Variants in PTPN23 observed in about 807,000 individuals in gnomAD.
The protein encoded by PTPN23 is protein tyrosine phosphatase non-receptor type 23.
A neutral mutation model predicts 156.3 loss-of-function variants in PTPN23; 72 were observed. The observed-to-expected ratio is 0.46, with a 90% CI of 0.38 to 0.56. The LOEUF is 0.56. Among genes scored for constraint, PTPN23 ranks in the 20% least tolerant of loss-of-function variants. The probability of loss-of-function intolerance (pLI) is 0.00; values close to 1 mark genes in which losing one functional copy is unlikely to be tolerated. For synonymous variants in PTPN23, 957 were observed against 899.6 expected (o/e 1.06, Z -1.14); for missense variants, 1,974 against 2,171.5 (o/e 0.91, Z 1.81).
chr3:47,410,375 T>C lies in PTPN23; in HGVS notation c.2577T>C (p.Gly859=). Residue 859 remains glycine (G), a synonymous_variant, in exon 20 of 25, where the codon GGT becomes GGC. Coordinates refer to ENST00000265562, the MANE Select transcript of PTPN23 (RefSeq NM_015466.4). The stretch of plus-strand genomic sequence containing the variant: ...TAGGGCCGGCCCCACCAGTTGCAGG[T>C]CTCCCCTCGGCCCCACCTCCTCAAT... The part of the protein sequence containing the change: ...VGVGPAPPVA[G]LPSAPPPQFS... The C allele has an allele frequency of 6.2e-7, 1 of 1,610,172 alleles. No homozygotes were observed. Among genetic ancestry groups the C allele is most frequent in the Non-Finnish European group, 8.5e-7 (1 of 1,178,628 alleles).
At position 47,410,390 on chromosome 3, in the gene PTPN23, ACCT is replaced by A. The variant is rs1248669022; in HGVS notation, c.2597_2599del (p.Pro866del). 5 of 1,609,708 alleles carry A rather than the reference ACCT, an allele frequency of 3.1e-6. No individual in the cohort carries two copies. Among genetic ancestry groups the A allele is most frequent in the Non-Finnish European group, 3.4e-6 (4 of 1,178,728 alleles). Reference sequence around the variant, plus strand: ...CAGTTGCAGGTCTCCCCTCGGCCCCACCTCCTCAATTCTCAGGCCCCGAGTTGG... The same window carrying A: ...CAGTTGCAGGTCTCCCCTCGGCCCCACCTCAATTCTCAGGCCCCGAGTTGG... On this transcript the variant is annotated inframe_deletion, in exon 20 of 25. Transcript: ENST00000265562.
chr3:47,388,305 C>T (rs1704695682), intron 1 of PTPN23, among the ~76,000 whole-genome samples: 2 of 152,166 alleles, frequency 1.3e-5, no homozygotes, highest in Non-Finnish European at 2.9e-5. Context: ...GCCTCCAGGT[C>T]TCAAGTGGTC....
Position 47,413,217 on chromosome 3 carries a change from A to G in PTPN23, c.*32A>G. 6.9e-6 allele frequency: 10 copies of G among 1,455,574 alleles called. No individual in the cohort carries two copies. Among genetic ancestry groups the G allele is most frequent in the South Asian group, 1.2e-5 (1 of 82,208 alleles). The allele number at this position is 1,455,574 out of a possible 1,614,324, so 90.2% of individuals were successfully genotyped here. On this transcript the variant is annotated 3_prime_UTR_variant, in exon 25 of 25. Coordinates refer to ENST00000265562, the MANE Select transcript of PTPN23 (RefSeq NM_015466.4). The stretch of plus-strand genomic sequence containing the variant: ...TTTGCCTACCTGGTCCTTACACTAC[A>G]TCATCATCATCTCATGCCCACCTGC...
chr3:47,409,591 T>C (rs1380125997), intron 18 of PTPN23, 23 bp downstream of exon 18: 17 of 1,612,446 alleles, frequency 1.1e-5, no homozygotes. Flanking sequence ...TCCTCTGCTC[T>C]TTCCCGGAGC....
Position 47,412,427 on chromosome 3 carries a change from G to A in PTPN23, c.4317+6G>A. 6.2e-7 allele frequency: 1 copy of A among 1,612,704 alleles called. No individual in the cohort carries two copies. The highest frequency in any genetic ancestry group is 1.7e-4 in the Middle Eastern group (1 of 6,024). ...AGCACATGCTGCAGGAGAAGGTGAG[G>A]ATCTGGGCAGATGGGGCTGGGATGG... On this transcript the variant is annotated splice_donor_region_variant and intron_variant, in intron 23 of 24. Transcript: ENST00000265562.
intron 1 of PTPN23, among the ~76,000 whole-genome samples, chr3:47,385,929 A>G (rs956500349): frequency 3.3e-5 from 5 of 152,142 alleles, no homozygotes; most frequent in African/African-American, 9.6e-5. Context: ...GTCCTCTCCT[A>G]TGAGAACTTT....
In PTPN23 at chr3:47,410,896, C is replaced by T. The variant is rs754716372; in HGVS notation, c.3098C>T (p.Ala1033Val). The T allele has an allele frequency of 2.5e-6, 4 of 1,611,294 alleles. No individual in the cohort carries two copies. The highest frequency in any genetic ancestry group is 2.2e-5 in the East Asian group (1 of 44,824). The change falls in exon 20 of 25, where the codon GCT becomes GTT. Residue 1033 changes from alanine (A) to valine (V), a missense_variant. By Grantham distance (64) the Ala-to-Val change is moderately conservative. Transcript: ENST00000265562. ...AQDPLPAHSG[A>V]LPFPSPGPPQ... ...GACCCTCTGCCAGCCCACTCAGGGGCTCTGCCTTTCCCCAGCCCTGGGCCC... is the reference window on the plus strand; with the variant it reads ...GACCCTCTGCCAGCCCACTCAGGGGTTCTGCCTTTCCCCAGCCCTGGGCCC...
At position 47,407,867 on chromosome 3, in the gene PTPN23, C is replaced by T. The variant is rs756038090; in HGVS notation, c.1119-23C>T. 1 of 1,614,172 alleles carries T rather than the reference C, an allele frequency of 6.2e-7. No individual in the cohort carries two copies. The highest frequency in any genetic ancestry group is 1.1e-5 in the South Asian group (1 of 91,084). Reference sequence around the variant, plus strand: ...GGTGTCTTGAGATGTGGGTCTTCAGCAAATGCTCTGTCGCTTCTGCAGTGA... The same window carrying T: ...GGTGTCTTGAGATGTGGGTCTTCAGTAAATGCTCTGTCGCTTCTGCAGTGA... On this transcript the variant is annotated intron_variant, in intron 13 of 24. Coordinates refer to ENST00000265562, the MANE Select transcript of PTPN23 (RefSeq NM_015466.4). This position sits in a 1 kb window ranked among gnomAD's most constrained non-coding sequence, Gnocchi z 4.0.
chr3:47,405,753 G>A lies in PTPN23; in HGVS notation c.369G>A (p.Ala123=), dbSNP rs372380435. Residue 123 remains alanine (A), a synonymous_variant, in exon 5 of 25, where the codon GCG becomes GCA. Transcript: ENST00000265562. This position sits in a 1 kb window ranked among gnomAD's most constrained non-coding sequence, Gnocchi z 4.7. ...CACTGTCCCCTCCCTCCCCAGGAGC[G>A]CTGCACTCCATGCTGGGGGCCATGG... ...EQACILYNLG[A]LHSMLGAMDK... The A allele has an allele frequency of 1.4e-4, 225 of 1,599,566 alleles. No individual in the cohort carries two copies. Among genetic ancestry groups the A allele is most frequent in the Non-Finnish European group, 1.8e-4 (213 of 1,173,984 alleles).
At position 47,406,063 on chromosome 3, in the gene PTPN23, G is replaced by A; in HGVS notation, c.546+17G>A. The A allele has an allele frequency of 6.2e-7, 1 of 1,609,780 alleles. No individual in the cohort carries two copies. Among genetic ancestry groups the A allele is most frequent in the Non-Finnish European group, 8.5e-7 (1 of 1,178,484 alleles). On this transcript the variant is annotated intron_variant, in intron 6 of 24. Transcript: ENST00000265562. This position sits in a 1 kb window ranked among gnomAD's most constrained non-coding sequence, Gnocchi z 5.8. ...CTCATGCTGGTGAGGAGGCGCCCTG[G>A]TTGGAGTGGAGTTGAATCCAGGGAA...
rs767789814 is a variant in PTPN23, at chr3:47,411,662, G to A, written c.3864G>A (p.Leu1288=). 41 of 1,604,950 alleles carry A rather than the reference G, an allele frequency of 2.6e-5. No homozygotes were observed. Among genetic ancestry groups the A allele is most frequent in the Non-Finnish European group, 3.3e-5 (39 of 1,174,086 alleles). ...AGAAAGTGTCAGTCATTGTCATGCT[G>A]GTTTCTGAGGCTGAGATGGAGAAGG... The part of the protein sequence containing the change: ...HEQKVSVIVM[L]VSEAEMEKQK... Residue 1288 remains leucine, a synonymous_variant, in exon 20 of 25, where the codon CTG becomes CTA. Coordinates refer to ENST00000265562, the MANE Select transcript of PTPN23 (RefSeq NM_015466.4). The surrounding 1 kb of genome is among the most constrained non-coding windows in gnomAD (Gnocchi z 6.3).
rs1282442813 is a variant in PTPN23 at position 47,405,293 on chromosome 3, G to C, written c.364+212G>C. 1.7e-6 allele frequency: 1 copy of C among 592,254 alleles called. No individual in the cohort carries two copies. Among genetic ancestry groups the C allele is most frequent in the African/African-American group, 1.9e-5 (1 of 53,798 alleles). 36.7% of individuals were successfully genotyped at this position (592,254 alleles called of 1,614,324 possible). On this transcript the variant is annotated intron_variant, in intron 4 of 24. Transcript: ENST00000265562. The surrounding 1 kb of genome is among the most constrained non-coding windows in gnomAD (Gnocchi z 4.7). ...CTCTGCTGGGGCGAGGCTCTACTGG[G>C]CTGGCTGCCACACAGAGTTGCCACT...
intron 2 of PTPN23, among the ~76,000 whole-genome samples, chr3:47,402,152 GT>G (rs779280372): frequency 1.3e-4 from 19 of 151,838 alleles, no homozygotes; most frequent in Admixed American, 9.8e-4. Flanking sequence ...TTTTTTTGTT[GT>G]TTTCCCCCCA....
Position 47,411,983 on chromosome 3 carries a change from T to A in PTPN23, c.4073+16T>A, listed in dbSNP as rs1436441808. ...GGCCTGAGTTGTGAGTCCACTGCTC[T>A]GGATGGTGGTTGGGGGTCTAAGTGC... On this transcript the variant is annotated intron_variant, in intron 21 of 24. Coordinates refer to ENST00000265562, the MANE Select transcript of PTPN23 (RefSeq NM_015466.4). This position sits in a 1 kb window ranked among gnomAD's most constrained non-coding sequence, Gnocchi z 6.3. The A allele has an allele frequency of 6.2e-7, 1 of 1,607,958 alleles. No homozygotes were observed. Among genetic ancestry groups the A allele is most frequent in the East Asian group, 2.2e-5 (1 of 44,814 alleles).
chr3:47,406,272 G>A lies in PTPN23; in HGVS notation c.547-53G>A, dbSNP rs1705120814. The A allele has an allele frequency of 3.8e-6, 6 of 1,596,244 alleles. No individual in the cohort carries two copies. The highest frequency in any genetic ancestry group is 5.1e-6 in the Non-Finnish European group (6 of 1,167,010). On this transcript the variant is annotated intron_variant, in intron 6 of 24. Transcript: ENST00000265562. This position sits in a 1 kb window ranked among gnomAD's most constrained non-coding sequence, Gnocchi z 5.8. ...CCCCTGGGGAAGGATAAAGGGAAGG[G>A]GAAGCGGGAGGCCTTGGGTGAGCGA...
In PTPN23 at chr3:47,413,344, T is replaced by G; in HGVS notation, c.*159T>G. On this transcript the variant is annotated 3_prime_UTR_variant, in exon 25 of 25. Coordinates refer to ENST00000265562, the MANE Select transcript of PTPN23 (RefSeq NM_015466.4). ...CCTGCACCCCTGTGGGGTGGAAATGTACTGCAGGCTCTGGGTCAGGTTCTG... is the reference window on the plus strand; with the variant it reads ...CCTGCACCCCTGTGGGGTGGAAATGGACTGCAGGCTCTGGGTCAGGTTCTG... 2.0e-6 allele frequency: 2 copies of G among 996,234 alleles called. No homozygotes were observed. Among genetic ancestry groups the G allele is most frequent in the Non-Finnish European group, 2.9e-6 (2 of 680,816 alleles). The allele number at this position is 996,234 out of a possible 1,614,324, so 61.7% of individuals were successfully genotyped here.
In PTPN23 at chr3:47,412,283, C is replaced by T. The variant is rs1245282528; in HGVS notation, c.4179C>T (p.Ser1393=). The part of the protein sequence containing the change: ...PLHTPIIVHC[S]SGVGRTGAFA... Reference sequence around the variant, plus strand: ...GCCTCATAACCCCTTCTTGGCACAGCTCTGGTGTGGGCCGCACGGGAGCCT... The same window carrying T: ...GCCTCATAACCCCTTCTTGGCACAGTTCTGGTGTGGGCCGCACGGGAGCCT... The change falls in exon 23 of 25, where the codon AGC becomes AGT. Residue 1393 remains serine (S), a splice_region_variant and synonymous_variant. Coordinates refer to ENST00000265562, the MANE Select transcript of PTPN23 (RefSeq NM_015466.4). The T allele has an allele frequency of 1.2e-6, 2 of 1,613,100 alleles. No individual in the cohort carries two copies. The highest frequency in any genetic ancestry group is 1.7e-5 in the Admixed American group (1 of 60,002).
chr3:47,407,963 TGG>T lies in PTPN23; in HGVS notation c.1184+10_1184+11del. The stretch of plus-strand genomic sequence containing the variant: ...CAAGAATGAGGTCCTGGAGTGAGTG[TGG>T]GACTTGGGCAGGGAGGCGGAGGCAG... On this transcript the variant is annotated intron_variant, in intron 14 of 24. Coordinates refer to ENST00000265562, the MANE Select transcript of PTPN23 (RefSeq NM_015466.4). The surrounding 1 kb of genome is among the most constrained non-coding windows in gnomAD (Gnocchi z 4.0). 6.2e-7 allele frequency: 1 copy of T among 1,613,158 alleles called. No homozygotes were observed. Among genetic ancestry groups the T allele is most frequent in the Non-Finnish European group, 8.5e-7 (1 of 1,179,720 alleles).
chr3:47,383,376 C>T (rs564995810), intron 1 of PTPN23, among the ~76,000 whole-genome samples: 51 of 152,302 alleles, frequency 3.3e-4, no homozygotes, highest in Admixed American at 8.5e-4. Flanking sequence ...TTCTGCAGAG[C>T]CTTTCTTAAT....
Sources: allele counts gnomAD v4.1 joint callset (sites outside exome capture counted in the v4.1 genomes callset), GRCh38; gene constraint gnomAD v4.1.1; non-coding constraint Gnocchi (gnomAD v3.1); transcripts MANE v1.5; gene names NCBI Gene and HGNC (gene_info 2026-07-23, HGNC 2026-07-21).